Variants in CCDC141 observed in about 807,000 individuals in gnomAD.
CCDC141 encodes coiled-coil domain containing 141, also known as coiled-coil domain-containing protein 141.
Under a neutral mutation model 181.0 loss-of-function variants are expected in CCDC141, and 168 were observed. The ratio of observed to expected loss-of-function variants is 0.93; its 90% CI spans 0.82 to 1.05. The LOEUF (loss-of-function observed/expected upper bound fraction) is 1.05, where lower values mean the gene tolerates loss of function less well. CCDC141 is among the 50% of genes least tolerant of loss of function. The pLI, the probability that CCDC141 is intolerant of heterozygous loss-of-function variation, is 0.00. For synonymous variants in CCDC141, 666 were observed against 642.3 expected, an observed-to-expected ratio of 1.04 and a Z score of -0.56; for missense variants, 1,902 against 1,788.5, an observed-to-expected ratio of 1.06 and a Z score of -1.14.
At chr2:178,885,899 C>T (rs1454459565) in intron 10 of CCDC141, among the ~76,000 whole-genome samples, 1 of 152,084 alleles carries the variant, frequency 6.6e-6, no homozygotes, top group East Asian at 1.9e-4. Flanking sequence ...ATTTAGAGGC[C>T]CTGCTTCATG....
rs766724892 is a variant in CCDC141, at chr2:179,047,334, C to A, written c.175G>T (p.Glu59Ter). The A allele has an allele frequency of 6.5e-7, 1 of 1,543,360 alleles. No homozygotes were observed. Among genetic ancestry groups the A allele is most frequent in the Non-Finnish European group, 8.7e-7 (1 of 1,144,860 alleles). ...TGATCATGAAGAAGTTTTTTGGTTT[C>A]ATCTTGACTGCTGCCAATTTCTAGA... The part of the protein sequence containing the change: ...NLLEIGSSQD[E>*]TKKLLHDHEL... Residue 59 changes from glutamate to a stop codon, truncating the protein, a stop_gained, in exon 2 of 24, where the codon GAA (glutamate) becomes TAA (stop). Coordinates refer to ENST00000443758, the MANE Select transcript of CCDC141 (RefSeq NM_173648.4). LOFTEE classifies it high-confidence loss of function.
chr2:179,000,983 C>T (rs2041952636), intron 2 of CCDC141, among the ~76,000 whole-genome samples: 1 of 152,142 alleles, frequency 6.6e-6, no homozygotes, highest in Non-Finnish European at 1.5e-5. Flanking sequence ...ACAACAGATG[C>T]ATGAGGAGTG....
chr2:178,946,366 C>T (rs1689733496), intron 5 of CCDC141, among the ~76,000 whole-genome samples: 1 of 151,888 alleles, frequency 6.6e-6, no homozygotes, highest in Non-Finnish European at 1.5e-5. Context: ...TAATTTTCTC[C>T]CAAAAATTCA....
At chr2:178,954,824 C>A (rs72961273) in intron 5 of CCDC141, among the ~76,000 whole-genome samples, 24,608 of 150,076 alleles carry the variant, frequency 0.16, 2,083 homozygotes, top group Middle Eastern at 0.21. Context: ...AAAAAAAAAC[C>A]AAAAAACTTT....
intron 2 of CCDC141, among the ~76,000 whole-genome samples, chr2:179,046,712 G>A (rs1447549790): frequency 6.6e-6 from 1 of 152,190 alleles, no homozygotes; most frequent in South Asian, 2.1e-4. Flanking sequence ...AGATTATGTA[G>A]CTGGCTCTGA....
intron 8 of CCDC141, among the ~76,000 whole-genome samples, chr2:178,892,742 T>TA (rs1369318030): frequency 6.6e-6 from 1 of 152,110 alleles, no homozygotes; most frequent in Non-Finnish European, 1.5e-5. Flanking sequence ...GAACTGAAAA[T>TA]AAATTGATAG....
intron 2 of CCDC141, among the ~76,000 whole-genome samples, chr2:179,005,418 C>A (rs1247404585): frequency 2.0e-5 from 3 of 151,980 alleles, no homozygotes; most frequent in African/African-American, 7.2e-5. Flanking sequence ...GAAAAGACAG[C>A]AAATTAATTC....
chr2:178,998,218 G>A (rs1692376614), intron 2 of CCDC141, among the ~76,000 whole-genome samples: 1 of 152,166 alleles, frequency 6.6e-6, no homozygotes, highest in Admixed American at 6.5e-5. Flanking sequence ...AATGGAAAGA[G>A]TGCTCCTTAT....
At chr2:178,900,028 A>G (rs1687610822) in intron 8 of CCDC141, among the ~76,000 whole-genome samples, 1 of 152,184 alleles carries the variant, frequency 6.6e-6, no homozygotes, top group Admixed American at 6.6e-5. Context: ...TCTGAATCCA[A>G]AAATGTCCTT....
chr2:178,865,979 A>G, intron 16 of CCDC141, 63 bp from the exon 17 acceptor site: 1 of 1,237,304 alleles, frequency 8.1e-7, no homozygotes, highest in Admixed American at 3.0e-5. Context: ...CGAGTAGGCT[A>G]TTTACCTGAA....
Position 178,961,169 on chromosome 2 carries a change from T to A in CCDC141, c.780+61A>T, listed in dbSNP as rs945337908. ...CTGACAAACTGCCCCAGGGAATGGT[T>A]AATCCATATAACAACTAATCAGCTG... On this transcript the variant is annotated intron_variant, in intron 5 of 23. Coordinates refer to ENST00000443758, the MANE Select transcript of CCDC141 (RefSeq NM_173648.4). The A allele has an allele frequency of 9.9e-6, 15 of 1,516,532 alleles. No homozygotes were observed. The South Asian group carries it at 1.8e-4, about 18-fold the overall frequency. The allele number at this position is 1,516,532 out of a possible 1,614,324, so 93.9% of individuals were successfully genotyped here.
intron 2 of CCDC141, among the ~76,000 whole-genome samples, chr2:179,025,211 G>C (rs981793826): frequency 1.3e-5 from 2 of 151,778 alleles, no homozygotes; most frequent in African/African-American, 4.8e-5. Context: ...ATTTTGTCAC[G>C]CAGGTAATCA....
intron 8 of CCDC141, among the ~76,000 whole-genome samples, chr2:178,890,961 G>A (rs1687121157): frequency 6.6e-6 from 1 of 152,078 alleles, no homozygotes; most frequent in African/African-American, 2.4e-5. Flanking sequence ...CAGAAAAGTA[G>A]CAATAACTTC....
chr2:178,871,657 A>C, intron 13 of CCDC141, 105 bp from the exon 14 acceptor site: 2 of 1,277,052 alleles, frequency 1.6e-6, no homozygotes, highest in Non-Finnish European at 2.2e-6. Flanking sequence ...TTCAAACCCC[A>C]TGAAAACACT....
rs1053653359 is a variant in CCDC141 at position 178,978,508 on chromosome 2, A to G, written c.393T>C (p.Ser131=). Residue 131 remains serine, a synonymous_variant, in exon 3 of 24, where the codon TCT becomes TCC. Coordinates refer to ENST00000443758, the MANE Select transcript of CCDC141 (RefSeq NM_173648.4). ...CCTCTAAGGCATTTTCAAAAAATTC[A>G]GAAGTCAACCTAAGGAGCTCTGTTC... The part of the protein sequence containing the change: ...ERRTELLRLT[S]EFFENALEFA... 2 of 1,505,244 alleles carry G rather than the reference A, an allele frequency of 1.3e-6. No homozygotes were observed. The highest frequency in any genetic ancestry group is 2.6e-5 in the East Asian group (1 of 39,086). 93.2% of individuals were successfully genotyped at this position (1,505,244 alleles called of 1,614,324 possible).
intron 6 of CCDC141, among the ~76,000 whole-genome samples, chr2:178,930,956 A>G (rs1169457418): frequency 1.3e-5 from 2 of 152,180 alleles, no homozygotes; most frequent in Non-Finnish European, 2.9e-5. Flanking sequence ...TAGATAAATA[A>G]AACTTTATCA....
At chr2:178,919,343 C>T (rs986984007) in intron 6 of CCDC141, among the ~76,000 whole-genome samples, 3 of 152,014 alleles carry the variant, frequency 2.0e-5, no homozygotes, top group Admixed American at 2.0e-4. Context: ...ATCTGCCATT[C>T]GATTTTCAAA....
chr2:178,899,065 T>G (rs1466348632), intron 8 of CCDC141, among the ~76,000 whole-genome samples: 61 of 152,202 alleles, frequency 4.0e-4, no homozygotes, highest in Admixed American at 4.0e-3. Context: ...TGTATAACAT[T>G]TCAATCAACA....
intron 2 of CCDC141, among the ~76,000 whole-genome samples, chr2:178,980,177 C>T (rs1263563781): frequency 6.6e-6 from 1 of 152,106 alleles, no homozygotes; most frequent in East Asian, 1.9e-4. Flanking sequence ...CTTCAAGGGA[C>T]CATTCCTGTA....
Sources: allele counts gnomAD v4.1 joint callset (sites outside exome capture counted in the v4.1 genomes callset), GRCh38; gene constraint gnomAD v4.1.1; transcripts MANE v1.5; gene names NCBI Gene and HGNC (gene_info 2026-07-23, HGNC 2026-07-21).